The following PPFIA2 variants were observed in gnomAD, a reference collection of about 807,000 sequenced individuals.
PPFIA2 encodes PPFI scaffold protein A2.
A neutral mutation model predicts 175.5 loss-of-function variants in PPFIA2; 46 were observed. The observed-to-expected ratio is 0.26, with a 90% confidence interval of 0.21 to 0.34. The LOEUF is 0.34. Among genes scored for constraint, PPFIA2 ranks in the 10% least tolerant of loss-of-function variants. The probability of loss-of-function intolerance (pLI) is 1.00; values close to 1 mark genes in which losing one functional copy is unlikely to be tolerated. For missense variants in PPFIA2, 1,179 were observed against 1,506.1 expected (o/e 0.78, Z 3.60); for synonymous variants, 568 against 511.4 (o/e 1.11, Z -1.49).
intron 28 of PPFIA2, among the ~76,000 whole-genome samples, chr12:81,275,281 C>T (rs1302033783): frequency 6.6e-6 from 1 of 152,200 alleles, no homozygotes; most frequent in East Asian, 1.9e-4. Context: ...AAAGCACTTT[C>T]GTGCTTCGAA....
chr12:81,473,625 G>T (rs952541724), intron 4 of PPFIA2, among the ~76,000 whole-genome samples: 9 of 152,112 alleles, frequency 5.9e-5, no homozygotes, highest in African/African-American at 2.2e-4. Context: ...ACTTTAGGCA[G>T]CAACTACTTA....
At chr12:81,387,079 A>C (rs1226571044) in intron 8 of PPFIA2, among the ~76,000 whole-genome samples, 3 of 151,974 alleles carry the variant, frequency 2.0e-5, no homozygotes, top group African/African-American at 4.8e-5. Flanking sequence ...TTCTGATTTC[A>C]GATACCTTTC....
intron 8 of PPFIA2, among the ~76,000 whole-genome samples, chr12:81,398,578 G>T (rs2041568631): frequency 6.6e-6 from 1 of 152,078 alleles, no homozygotes; most frequent in Admixed American, 6.6e-5. Context: ...AAACCTCACA[G>T]GGTTGTTGTT....
intron 3 of PPFIA2, among the ~76,000 whole-genome samples, chr12:81,751,582 G>C (rs940202994): frequency 6.6e-6 from 1 of 151,172 alleles, no homozygotes. Flanking sequence ...GAGAGAGAGA[G>C]AGAGACAAGA....
chr12:81,456,179 T>G (rs1181344183), intron 5 of PPFIA2, among the ~76,000 whole-genome samples: 1 of 152,184 alleles, frequency 6.6e-6, no homozygotes, highest in Non-Finnish European at 1.5e-5. Context: ...TGTCATGGTA[T>G]AAATAAATTT....
chr12:81,334,395 A>C (rs1311710215), intron 21 of PPFIA2, among the ~76,000 whole-genome samples: 1 of 151,952 alleles, frequency 6.6e-6, no homozygotes, highest in Non-Finnish European at 1.5e-5. Context: ...CATAATTGGT[A>C]CTCTGCATTT....
At chr12:81,554,796 TGAAC>T (rs2068554569) in intron 4 of PPFIA2, among the ~76,000 whole-genome samples, 1 of 152,064 alleles carries the variant, frequency 6.6e-6, no homozygotes, top group African/African-American at 2.4e-5. Context: ...AAATGTTTTC[TGAAC>T]TAAAAACGTA....
intron 7 of PPFIA2, among the ~76,000 whole-genome samples, chr12:81,412,517 T>G (rs1257334655): frequency 1.3e-5 from 2 of 151,918 alleles, no homozygotes; most frequent in African/African-American, 2.4e-5. Context: ...TAAAAGACCC[T>G]GAGACTATTA....
chr12:81,618,053 T>A (rs2061588278), intron 4 of PPFIA2, among the ~76,000 whole-genome samples: 1 of 152,168 alleles, frequency 6.6e-6, no homozygotes, highest in East Asian at 1.9e-4. Context: ...GTTGCTGATT[T>A]TTTTTGCCTT....
At chr12:81,344,582 G>C (rs986926871) in intron 19 of PPFIA2, 82 bp downstream of exon 19, 7 of 993,432 alleles carry the variant, frequency 7.0e-6, no homozygotes, top group Non-Finnish European at 1.0e-5. Context: ...ATCAACATTC[G>C]ACTAGAGGGA....
chr12:81,295,162 T>C (rs1465201132), intron 23 of PPFIA2, 127 bp from the exon 24 acceptor site: 1 of 856,396 alleles, frequency 1.2e-6, no homozygotes, highest in Non-Finnish European at 1.8e-6. Flanking sequence ...AATGTTATCA[T>C]TATTTTCCCT....
intron 22 of PPFIA2, among the ~76,000 whole-genome samples, chr12:81,301,793 T>G (rs960722040): frequency 1.3e-5 from 2 of 152,162 alleles, no homozygotes; most frequent in African/African-American, 4.8e-5. Context: ...GCTAACTCTC[T>G]CAGCTACTTT....
chr12:81,566,530 C>CAAAAAAAAAAAAA (rs3075452), intron 4 of PPFIA2, among the ~76,000 whole-genome samples: 2 of 68,450 alleles, frequency 2.9e-5, no homozygotes, highest in Non-Finnish European at 5.4e-5. Flanking sequence ...GACTCCAACT[C>CAAAAAAAAAAAAA]AAAAAAAAAA....
At chr12:81,716,802 T>C (rs4842403) in intron 3 of PPFIA2, among the ~76,000 whole-genome samples, 48,357 of 151,456 alleles carry the variant, frequency 0.32, 8,655 homozygotes, top group Middle Eastern at 0.49. Context: ...AATGTCTTCC[T>C]AGGTAAGACA....
chr12:81,376,373 C>T (rs1302072986), intron 9 of PPFIA2, among the ~76,000 whole-genome samples: 1 of 151,768 alleles, frequency 6.6e-6, no homozygotes, highest in Non-Finnish European at 1.5e-5. Context: ...CGTATTCTTA[C>T]CTTTACATTA....
At chr12:81,567,322 T>C (rs1016850719) in intron 4 of PPFIA2, among the ~76,000 whole-genome samples, 1 of 152,246 alleles carries the variant, frequency 6.6e-6, no homozygotes, top group African/African-American at 2.4e-5. Context: ...GTGCTGGGAT[T>C]ACAGGCGTGA....
At chr12:81,615,950 T>A (rs892924366) in intron 4 of PPFIA2, among the ~76,000 whole-genome samples, 3 of 151,998 alleles carry the variant, frequency 2.0e-5, no homozygotes, top group African/African-American at 7.3e-5. Context: ...AGAGAAAGAA[T>A]CTACAAGAGA....
chr12:81,655,237 T>A (rs917722578), intron 4 of PPFIA2, among the ~76,000 whole-genome samples: 1 of 151,898 alleles, frequency 6.6e-6, no homozygotes, highest in Admixed American at 6.6e-5. Context: ...AATGTTAATT[T>A]TCCCCCAAAA....
At chr12:81,308,989 T>A (rs2050034361) in intron 22 of PPFIA2, among the ~76,000 whole-genome samples, 1 of 152,174 alleles carries the variant, frequency 6.6e-6, no homozygotes, top group Non-Finnish European at 1.5e-5. Context: ...AATACATATG[T>A]GGCTTGATAA....
Sources: gnomAD v4.1 joint callset for allele counts (sites outside exome capture counted in the v4.1 genomes callset) on GRCh38, gnomAD v4.1.1 for gene constraint, MANE v1.5 for transcripts, NCBI Gene and HGNC (gene_info 2026-07-23, HGNC 2026-07-21) for gene names.